Variants in LYL1 observed in about 807,000 individuals in gnomAD.
LYL1 encodes the protein protein lyl-1.
LYL1 carries 4 observed loss-of-function variants against 11.1 expected under a neutral mutation model. The ratio of observed to expected loss-of-function variants is 0.36; its 90% CI spans 0.18 to 0.82. LYL1 has a LOEUF of 0.82. LYL1 is among the 40% of genes least tolerant of loss of function. The pLI is 0.49. For synonymous variants in LYL1, 179 were observed against 174.8 expected (o/e 1.02, Z -0.19); for missense variants, 356 against 397.6 (o/e 0.90, Z 0.89).
At position 13,101,669 on chromosome 19, in the gene LYL1, G is replaced by T. The variant is rs774056184; in HGVS notation, c.-24-474C>A. 2 of 222,132 alleles carry T rather than the reference G, an allele frequency of 9.0e-6. No homozygotes were observed. The highest frequency in any genetic ancestry group is 1.8e-5 in the Non-Finnish European group (2 of 111,106). The allele number at this position is 222,132 out of a possible 1,614,324, so 13.8% of individuals were successfully genotyped here. A position where few individuals can be genotyped will look rare whatever the true frequency, so the allele number is the denominator to read the frequency against. ...GTGAGCTTGGAATCCCTCCAAGATGGACTCTGACCCTTCACGGAAGGCCCC... is the reference window on the plus strand; with the variant it reads ...GTGAGCTTGGAATCCCTCCAAGATGTACTCTGACCCTTCACGGAAGGCCCC... On this transcript the variant is annotated intron_variant, in intron 1 of 3. Coordinates refer to ENST00000264824, the MANE Select transcript of LYL1 (RefSeq NM_005583.5). This position sits in a 1 kb window ranked among gnomAD's most constrained non-coding sequence, Gnocchi z 5.1.
Position 13,102,347 on chromosome 19 carries a change from C to G in LYL1, c.-25+184G>C, listed in dbSNP as rs1181927223. ...TCTTGGTTCCAGAGTCCAGGATGTCCCAGCAAGGTGTGAGACTGTTGGCCC... is the reference window on the plus strand; with the variant it reads ...TCTTGGTTCCAGAGTCCAGGATGTCGCAGCAAGGTGTGAGACTGTTGGCCC... On this transcript the variant is annotated intron_variant, in intron 1 of 3. Coordinates refer to ENST00000264824, the MANE Select transcript of LYL1 (RefSeq NM_005583.5). This position sits in a 1 kb window ranked among gnomAD's most constrained non-coding sequence, Gnocchi z 4.9. 1.0e-5 allele frequency: 2 copies of G among 200,464 alleles called. No individual in the cohort carries two copies. The highest frequency in any genetic ancestry group is 6.0e-5 in the Admixed American group (1 of 16,628). The allele number at this position is 200,464 out of a possible 1,614,324, so 12.4% of individuals were successfully genotyped here.
intron 3 of LYL1, among the ~76,000 whole-genome samples, chr19:13,100,246 G>A (rs906951555): frequency 3.9e-5 from 6 of 152,156 alleles, no homozygotes; most frequent in African/African-American, 1.4e-4. Flanking sequence ...TTGTGTGGCC[G>A]TGGTCCTAAG....
chr19:13,101,333 C>T lies in LYL1; in HGVS notation c.-24-138G>A. On this transcript the variant is annotated intron_variant, in intron 1 of 3. Transcript: ENST00000264824. The surrounding 1 kb of genome is among the most constrained non-coding windows in gnomAD (Gnocchi z 5.1). ...GGAGAGAAGTTTCAGTAGGCAAAGG[C>T]AGATGGCGGGGGCAGGCCCAGAAAC... is the stretch of plus-strand genomic sequence containing the variant. The T allele has an allele frequency of 2.4e-6, 1 of 410,602 alleles. No individual in the cohort carries two copies. Among genetic ancestry groups the T allele is most frequent in the Non-Finnish European group, 4.3e-6 (1 of 234,246 alleles). 25.4% of individuals were successfully genotyped at this position (410,602 alleles called of 1,614,324 possible). A position where few individuals can be genotyped will look rare whatever the true frequency, so the allele number is the denominator to read the frequency against.
rs1482148496 is a variant in LYL1, at chr19:13,101,284, G to C, written c.-24-89C>G. 1.1e-5 allele frequency: 5 copies of C among 458,388 alleles called. No homozygotes were observed. The highest frequency in any genetic ancestry group is 1.8e-5 in the Non-Finnish European group (5 of 270,958). The allele number at this position is 458,388 out of a possible 1,614,324, so 28.4% of individuals were successfully genotyped here. ...CAAGAAACCCCTCAAATGGGAAGGA[G>C]GGAGGGGGAGGGGGAAAGGAGGAGG... On this transcript the variant is annotated intron_variant, in intron 1 of 3. Transcript: ENST00000264824. The surrounding 1 kb of genome is among the most constrained non-coding windows in gnomAD (Gnocchi z 5.1).
In LYL1 at chr19:13,101,919, A is replaced by C. The variant is rs1388920061; in HGVS notation, c.-25+612T>G. 4.3e-6 allele frequency: 1 copy of C among 231,366 alleles called. No individual in the cohort carries two copies. The highest frequency in any genetic ancestry group is 8.5e-6 in the Non-Finnish European group (1 of 117,246). The allele number at this position is 231,366 out of a possible 1,614,324, so 14.3% of individuals were successfully genotyped here. Reference sequence around the variant, plus strand: ...CCCAGTCCAGTCCAGTCATGCCCCAACCCTCCCTCTGGCTTGGAAGCCCCC... The same window carrying C: ...CCCAGTCCAGTCCAGTCATGCCCCACCCCTCCCTCTGGCTTGGAAGCCCCC... On this transcript the variant is annotated intron_variant, in intron 1 of 3. Coordinates refer to ENST00000264824, the MANE Select transcript of LYL1 (RefSeq NM_005583.5). The surrounding 1 kb of genome is among the most constrained non-coding windows in gnomAD (Gnocchi z 5.1).
chr19:13,099,548 A>C lies in LYL1; in HGVS notation c.614T>G (p.Leu205Arg). ...CAGAGCTGCGGCTTGGTCGCGCAGC[A>C]GCCGCACCAGGAAGCCGATGTACTT... ...AMKYIGFLVRLLRDQAAALAA... is the reference protein window; with the variant it reads ...AMKYIGFLVRRLRDQAAALAA... Residue 205 changes from leucine (L) to arginine (R), a missense_variant, in exon 4 of 4, where the codon CTG becomes CGG. Leu to Arg is a moderately radical substitution (Grantham distance 102). Coordinates refer to ENST00000264824, the MANE Select transcript of LYL1 (RefSeq NM_005583.5). This position sits in a 1 kb window ranked among gnomAD's most constrained non-coding sequence, Gnocchi z 5.3. 1 of 1,516,550 alleles carries C rather than the reference A, an allele frequency of 6.6e-7. No individual in the cohort carries two copies. The highest frequency in any genetic ancestry group is 8.9e-7 in the Non-Finnish European group (1 of 1,129,488). The allele number at this position is 1,516,550 out of a possible 1,614,324, so 93.9% of individuals were successfully genotyped here.
chr19:13,101,292 G>A lies in LYL1; in HGVS notation c.-24-97C>T. The A allele has an allele frequency of 4.4e-6, 2 of 457,002 alleles. No homozygotes were observed. The highest frequency in any genetic ancestry group is 7.5e-6 in the Non-Finnish European group (2 of 267,772). 28.3% of individuals were successfully genotyped at this position (457,002 alleles called of 1,614,324 possible). ...CCCTCAAATGGGAAGGAGGGAGGGG[G>A]AGGGGGAAAGGAGGAGGAGAGAAGT... On this transcript the variant is annotated intron_variant, in intron 1 of 3. Transcript: ENST00000264824. The surrounding 1 kb of genome is among the most constrained non-coding windows in gnomAD (Gnocchi z 5.1).
rs763978229 is a variant in LYL1 at position 13,100,702 on chromosome 19, G to A, written c.382C>T (p.Arg128Trp). Residue 128 changes from arginine (R) to tryptophan (W), a missense_variant, in exon 3 of 4, where the codon CGG (arginine) becomes TGG (tryptophan). By Grantham distance (101) the Arg-to-Trp change is moderately radical. Transcript: ENST00000264824. ...CAGTGGCTTGGTCTCCGCTTCAACC[G>A]GCTGCTAGGGAAGATGCTAAAAGGT... Reference protein sequence around the residue: ...AGPFSIFPSSRLKRRPSHCEL... With the variant: ...AGPFSIFPSSWLKRRPSHCEL... 23 of 1,614,084 alleles carry A rather than the reference G, an allele frequency of 1.4e-5. No individual in the cohort carries two copies. In the East Asian group the frequency reaches 1.8e-4, roughly 13 times the overall value.
chr19:13,101,245 C>T lies in LYL1; in HGVS notation c.-24-50G>A. On this transcript the variant is annotated intron_variant, in intron 1 of 3. Coordinates refer to ENST00000264824, the MANE Select transcript of LYL1 (RefSeq NM_005583.5). This position sits in a 1 kb window ranked among gnomAD's most constrained non-coding sequence, Gnocchi z 5.1. ...GGGAGGAGGACTAGGTGCCCCGCTC[C>T]CACCTGCTTAGCTCAAGAAACCCCT... The T allele has an allele frequency of 1.3e-6, 1 of 742,426 alleles. No homozygotes were observed. The highest frequency in any genetic ancestry group is 2.0e-6 in the Non-Finnish European group (1 of 504,266). 46.0% of individuals were successfully genotyped at this position (742,426 alleles called of 1,614,324 possible).
At position 13,101,030 on chromosome 19, in the gene LYL1, G is replaced by A. The variant is rs2018680027; in HGVS notation, c.142C>T (p.Arg48Ter). The A allele has an allele frequency of 3.4e-6, 5 of 1,480,488 alleles. No individual in the cohort carries two copies. Among genetic ancestry groups the A allele is most frequent in the Non-Finnish European group, 4.5e-6 (5 of 1,116,934 alleles). 91.7% of individuals were successfully genotyped at this position (1,480,488 alleles called of 1,614,324 possible). A position where few individuals can be genotyped will look rare whatever the true frequency, so the allele number is the denominator to read the frequency against. ...GPPQVEEVGH[R>*]GGSSPPRLPP... ...AGCCTGGGGGGCGAGGAGCCTCCTC[G>A]GTGGCCCACCTCCTCCACCTGCGGG... Residue 48 changes from arginine to a stop codon, truncating the protein, a stop_gained, in exon 2 of 4, where the codon CGA becomes TGA. Transcript: ENST00000264824. LOFTEE classifies it high-confidence loss of function. This position sits in a 1 kb window ranked among gnomAD's most constrained non-coding sequence, Gnocchi z 5.1.
chr19:13,099,759 G>A lies in LYL1; in HGVS notation c.428-25C>T, dbSNP rs765866429. 4.9e-6 allele frequency: 7 copies of A among 1,418,114 alleles called. No individual in the cohort carries two copies. The African/African-American group carries it at 1.0e-4, about 21-fold the overall frequency. 87.8% of individuals were successfully genotyped at this position (1,418,114 alleles called of 1,614,324 possible). On this transcript the variant is annotated intron_variant, in intron 3 of 3. Transcript: ENST00000264824. The surrounding 1 kb of genome is among the most constrained non-coding windows in gnomAD (Gnocchi z 5.3). ...CCTGTGGACAAGGAGGGCCGGGTTG[G>A]TGCCATGGCCCAAAGGGCGGCCCCT...
chr19:13,100,522 G>A (rs553956389), intron 3 of LYL1, 135 bp downstream of exon 3: 168 of 852,924 alleles, frequency 2.0e-4, no homozygotes, highest in South Asian at 1.7e-3. Flanking sequence ...TTCTCTGTGT[G>A]TGCTGGAAGC....
rs746763875 is a variant in LYL1, at chr19:13,101,097, G to A, written c.75C>T (p.Ser25=). ...TEKAEMVCAP[S]PAPAPPPKPA... is the part of the protein sequence containing the mutation. ...GCTTAGGGGGTGGGGCAGGCGCTGG[G>A]CTGGGGGCACACACCATCTCTGCCT... is the stretch of plus-strand genomic sequence containing the variant. The change falls in exon 2 of 4, where the codon AGC becomes AGT. Residue 25 remains serine (S), a synonymous_variant. Coordinates refer to ENST00000264824, the MANE Select transcript of LYL1 (RefSeq NM_005583.5). This position sits in a 1 kb window ranked among gnomAD's most constrained non-coding sequence, Gnocchi z 5.1. 2 of 1,490,180 alleles carry A rather than the reference G, an allele frequency of 1.3e-6. No individual in the cohort carries two copies. Among genetic ancestry groups the A allele is most frequent in the Non-Finnish European group, 1.8e-6 (2 of 1,122,492 alleles). The allele number at this position is 1,490,180 out of a possible 1,614,324, so 92.3% of individuals were successfully genotyped here. A position where few individuals can be genotyped will look rare whatever the true frequency, so the allele number is the denominator to read the frequency against.
rs1413669815 is a variant in LYL1 at position 13,099,671 on chromosome 19, T to C, written c.491A>G (p.Gln164Arg). ...CTCGGCGAAGGCGCCGTTAACGTTC[T>C]GCTGCCGCCAGCGCTCCCGGCTGTT... ...FTNSRERWRQ[Q>R]NVNGAFAELR... The change falls in exon 4 of 4, where the codon CAG becomes CGG. Residue 164 changes from glutamine (Q) to arginine (R), a missense_variant. Gln to Arg is a conservative substitution (Grantham distance 43, BLOSUM62 1). Transcript: ENST00000264824. The surrounding 1 kb of genome is among the most constrained non-coding windows in gnomAD (Gnocchi z 5.3). 1 of 1,547,820 alleles carries C rather than the reference T, an allele frequency of 6.5e-7. No homozygotes were observed. Among genetic ancestry groups the C allele is most frequent in the African/African-American group, 1.4e-5 (1 of 73,048 alleles).
rs998250708 is a variant in LYL1, at chr19:13,099,144, T to G, written c.*175A>C. ...ATTTTTTTAAGGGTCTGCGGGTCCC[T>G]TGGGGGTCGATGATCACCCTTCCGG... On this transcript the variant is annotated 3_prime_UTR_variant, in exon 4 of 4. Coordinates refer to ENST00000264824, the MANE Select transcript of LYL1 (RefSeq NM_005583.5). The surrounding 1 kb of genome is among the most constrained non-coding windows in gnomAD (Gnocchi z 5.3). 1 of 513,658 alleles carries G rather than the reference T, an allele frequency of 1.9e-6. No individual in the cohort carries two copies. The highest frequency in any genetic ancestry group is 2.0e-5 in the African/African-American group (1 of 50,546). 31.8% of individuals were successfully genotyped at this position (513,658 alleles called of 1,614,324 possible).
chr19:13,102,335 G>C lies in LYL1; in HGVS notation c.-25+196C>G, dbSNP rs915992522. ...ATCCCTGTTTGCTCTTGGTTCCAGA[G>C]TCCAGGATGTCCCAGCAAGGTGTGA... On this transcript the variant is annotated intron_variant, in intron 1 of 3. Coordinates refer to ENST00000264824, the MANE Select transcript of LYL1 (RefSeq NM_005583.5). The surrounding 1 kb of genome is among the most constrained non-coding windows in gnomAD (Gnocchi z 4.9). 1 of 199,662 alleles carries C rather than the reference G, an allele frequency of 5.0e-6. No individual in the cohort carries two copies. Among genetic ancestry groups the C allele is most frequent in the Non-Finnish European group, 1.0e-5 (1 of 96,436 alleles). 12.4% of individuals were successfully genotyped at this position (199,662 alleles called of 1,614,324 possible). A position where few individuals can be genotyped will look rare whatever the true frequency, so the allele number is the denominator to read the frequency against.
rs908685382 is a variant in LYL1, at chr19:13,101,459, C to G, written c.-24-264G>C. Reference sequence around the variant, plus strand: ...AGCTCTTTGTGACCCAGGAGGGGCGCTGTTGCCCAGCCTCTGAGCAAATAT... The same window carrying G: ...AGCTCTTTGTGACCCAGGAGGGGCGGTGTTGCCCAGCCTCTGAGCAAATAT... On this transcript the variant is annotated intron_variant, in intron 1 of 3. Transcript: ENST00000264824. This position sits in a 1 kb window ranked among gnomAD's most constrained non-coding sequence, Gnocchi z 5.1. 5.3e-6 allele frequency: 2 copies of G among 375,380 alleles called. No individual in the cohort carries two copies. The highest frequency in any genetic ancestry group is 9.5e-6 in the Non-Finnish European group (2 of 210,952). 23.3% of individuals were successfully genotyped at this position (375,380 alleles called of 1,614,324 possible). A position where few individuals can be genotyped will look rare whatever the true frequency, so the allele number is the denominator to read the frequency against.
chr19:13,099,547 C>A lies in LYL1; in HGVS notation c.615G>T (p.Leu205=). 1.3e-6 allele frequency: 2 copies of A among 1,514,608 alleles called. No individual in the cohort carries two copies. The highest frequency in any genetic ancestry group is 1.8e-6 in the Non-Finnish European group (2 of 1,128,382). The allele number at this position is 1,514,608 out of a possible 1,614,324, so 93.8% of individuals were successfully genotyped here. Residue 205 remains leucine, a synonymous_variant, in exon 4 of 4, where the codon CTG becomes CTT. Coordinates refer to ENST00000264824, the MANE Select transcript of LYL1 (RefSeq NM_005583.5). This position sits in a 1 kb window ranked among gnomAD's most constrained non-coding sequence, Gnocchi z 5.3. ...CCAGAGCTGCGGCTTGGTCGCGCAG[C>A]AGCCGCACCAGGAAGCCGATGTACT... The part of the protein sequence containing the change: ...AMKYIGFLVR[L]LRDQAAALAA...
rs1299973172 is a variant in LYL1 at position 13,101,370 on chromosome 19, G to A, written c.-24-175C>T. 1.7e-5 allele frequency: 7 copies of A among 412,974 alleles called. No homozygotes were observed. The East Asian group carries it at 2.6e-4, about 15-fold the overall frequency. 25.6% of individuals were successfully genotyped at this position (412,974 alleles called of 1,614,324 possible). A position where few individuals can be genotyped will look rare whatever the true frequency, so the allele number is the denominator to read the frequency against. On this transcript the variant is annotated intron_variant, in intron 1 of 3. Transcript: ENST00000264824. This position sits in a 1 kb window ranked among gnomAD's most constrained non-coding sequence, Gnocchi z 5.1. ...GCAGGCCCAGAAACTTCCAGGACAC[G>A]GGAGGGGGGTCCTACGTTAGAGTAG... is the stretch of plus-strand genomic sequence containing the variant.
Sources: allele counts gnomAD v4.1 joint callset (sites outside exome capture counted in the v4.1 genomes callset), GRCh38; gene constraint gnomAD v4.1.1; non-coding constraint Gnocchi (gnomAD v3.1); transcripts MANE v1.5; gene names NCBI Gene and HGNC (gene_info 2026-07-23, HGNC 2026-07-21).